MICU3: variants seen among roughly 807,000 people sequenced by gnomAD.
MICU3 encodes mitochondrial calcium uptake 3.
A neutral mutation model predicts 66.5 loss-of-function variants in MICU3; 62 were observed. That is an observed-to-expected ratio of 0.93 (90% CI 0.76 to 1.15). The LOEUF is 1.15. Among genes scored for constraint, MICU3 ranks in the 50% most tolerant of loss-of-function variants. The probability of loss-of-function intolerance (pLI) is 0.00; values close to 1 mark genes in which losing one functional copy is unlikely to be tolerated. For synonymous variants in MICU3, 308 were observed against 240.7 expected, an observed-to-expected ratio of 1.28 and a Z score of -2.59; for missense variants, 779 against 664.4, an observed-to-expected ratio of 1.17 and a Z score of -1.90.
intron 1 of MICU3, among the ~76,000 whole-genome samples, chr8:17,048,021 T>TA (rs1815385971): frequency 6.6e-6 from 1 of 152,204 alleles, no homozygotes; most frequent in Non-Finnish European, 1.5e-5. Flanking sequence ...CATGACGAGT[T>TA]AAAGTGTTTC....
chr8:17,127,356 C>A (rs899288219), downstream of MICU3, among the ~76,000 whole-genome samples: 2 of 152,126 alleles, frequency 1.3e-5, no homozygotes, highest in African/African-American at 4.8e-5. Context: ...TCAGATTGCA[C>A]ATCAAAACTA....
chr8:17,047,652 A>G (rs1373957862), intron 1 of MICU3, among the ~76,000 whole-genome samples: 2 of 152,250 alleles, frequency 1.3e-5, no homozygotes, highest in Admixed American at 6.5e-5. Context: ...GACAGAAGCC[A>G]GAGGACAGTG....
intron 1 of MICU3, among the ~76,000 whole-genome samples, chr8:17,029,121 A>G (rs1368672650): frequency 6.6e-6 from 1 of 152,206 alleles, no homozygotes; most frequent in East Asian, 1.9e-4. Context: ...GGGTGTTATG[A>G]GAGTTAAATG....
the MICU3 span, chr8:17,132,420 G>A: frequency 6.6e-6 from 1 of 152,096 alleles, no homozygotes. Flanking sequence ...CAATTATCCT[G>A]CCTTTTATTT....
intron 11 of MICU3, among the ~76,000 whole-genome samples, chr8:17,106,170 T>C (rs915674047): frequency 1.3e-5 from 2 of 152,064 alleles, no homozygotes; most frequent in Admixed American, 1.3e-4. Flanking sequence ...TGCCACCAAA[T>C]AGAACTAGTG....
At chr8:17,038,206 G>C (rs577352730) in intron 1 of MICU3, among the ~76,000 whole-genome samples, 2 of 152,142 alleles carry the variant, frequency 1.3e-5, no homozygotes, top group Non-Finnish European at 2.9e-5. Flanking sequence ...TGGTTTGGCT[G>C]TGTGTCCCAC....
chr8:17,081,839 T>C (rs1052377004), intron 5 of MICU3, 99 bp downstream of exon 5: 7 of 615,394 alleles, frequency 1.1e-5, no homozygotes, highest in African/African-American at 9.3e-5. Context: ...AAAATCAATA[T>C]CCATGCTGTT....
At chr8:17,052,626 A>G (rs1442306899) in intron 1 of MICU3, among the ~76,000 whole-genome samples, 2 of 152,198 alleles carry the variant, frequency 1.3e-5, no homozygotes, top group Non-Finnish European at 2.9e-5. Context: ...CAGCCAGGGA[A>G]GTACTATTAG....
At position 17,064,272 on chromosome 8, in the gene MICU3, A is replaced by G. The variant is rs146772871; in HGVS notation, c.535+35A>G. ...CTTTTGAAATTATCTTAATAATTGT[A>G]TAATTTTTTTATCTCTAGCTTGTGA... On this transcript the variant is annotated intron_variant, in intron 2 of 14. Transcript: ENST00000318063. The G allele has an allele frequency of 6.3e-3, 9,698 of 1,549,448 alleles. 55 individuals are homozygous for G. Among genetic ancestry groups the G allele is most frequent in the Non-Finnish European group, 7.6e-3 (8,667 of 1,140,686 alleles).
intron 1 of MICU3, among the ~76,000 whole-genome samples, chr8:17,046,272 G>C (rs1015708743): frequency 3.9e-5 from 6 of 152,242 alleles, no homozygotes; most frequent in African/African-American, 1.4e-4. Flanking sequence ...GAATTGATTG[G>C]AGGACACCCA....
At chr8:17,035,823 A>T (rs2150499427) in intron 1 of MICU3, among the ~76,000 whole-genome samples, 1 of 152,332 alleles carries the variant, frequency 6.6e-6, no homozygotes, top group South Asian at 2.1e-4. Flanking sequence ...CTCAGGAGAA[A>T]TTCAAGCCAG....
At chr8:17,029,234 G>C (rs1170680974) in intron 1 of MICU3, among the ~76,000 whole-genome samples, 2 of 152,198 alleles carry the variant, frequency 1.3e-5, no homozygotes, top group Non-Finnish European at 2.9e-5. Flanking sequence ...CCAGCACTTT[G>C]GGAGGTCGAG....
At chr8:17,084,317 G>A (rs1188701823) in intron 5 of MICU3, among the ~76,000 whole-genome samples, 1 of 152,080 alleles carries the variant, frequency 6.6e-6, no homozygotes, top group East Asian at 1.9e-4. Context: ...TGAAATACAT[G>A]CAACAAGTGA....
chr8:17,046,560 A>G (rs546759231), intron 1 of MICU3, among the ~76,000 whole-genome samples: 1 of 152,292 alleles, frequency 6.6e-6, no homozygotes, highest in South Asian at 2.1e-4. Flanking sequence ...ACAGAAATAA[A>G]GAAGAAACTA....
intron 1 of MICU3, among the ~76,000 whole-genome samples, chr8:17,030,938 G>A (rs926276629): frequency 6.6e-6 from 1 of 152,034 alleles, no homozygotes; most frequent in African/African-American, 2.4e-5. Context: ...GAATGTTTTA[G>A]TTTCCCATTC....
chr8:17,041,496 A>C (rs1814084347), intron 1 of MICU3, among the ~76,000 whole-genome samples: 1 of 152,202 alleles, frequency 6.6e-6, no homozygotes, highest in Non-Finnish European at 1.5e-5. Flanking sequence ...ATGTGAAGAA[A>C]AGGTAAAGTG....
At chr8:17,064,353 G>A (rs1343702272) in intron 2 of MICU3, 116 bp downstream of exon 2, 2 of 704,816 alleles carry the variant, frequency 2.8e-6, no homozygotes, top group Non-Finnish European at 4.5e-6. Flanking sequence ...TATTTCACAT[G>A]ATATTGTGCT....
At chr8:17,126,164 C>T (rs201968943), downstream of MICU3, among the ~76,000 whole-genome samples, 2 of 106,592 alleles carry the variant, frequency 1.9e-5, no homozygotes, top group Non-Finnish European at 4.6e-5. Context: ...TCTTCCTAAA[C>T]AGTTTCAATC....
chr8:17,110,284 T>G (rs116968636), intron 11 of MICU3, among the ~76,000 whole-genome samples: 1 of 152,310 alleles, frequency 6.6e-6, no homozygotes, highest in Non-Finnish European at 1.5e-5. Flanking sequence ...TAACAAAAAA[T>G]TAACCGTTTT....
Sources: gnomAD v4.1 joint callset for allele counts (sites outside exome capture counted in the v4.1 genomes callset) on GRCh38, gnomAD v4.1.1 for gene constraint, MANE v1.5 for transcripts, NCBI Gene and HGNC (gene_info 2026-07-23, HGNC 2026-07-21) for gene names.